Variants in C8orf88 observed in about 807,000 individuals in gnomAD.
C8orf88 encodes the protein chromosome 8 open reading frame 88, also known as uncharacterized protein C8orf88.
In C8orf88, 14 loss-of-function variants were observed where a neutral mutation model predicts 18.4. The observed-to-expected ratio is 0.76, with a 90% CI of 0.50 to 1.19. The LOEUF (loss-of-function observed/expected upper bound fraction) is 1.19, where lower values mean the gene tolerates loss of function less well. Ranked by LOEUF, C8orf88 falls within the 50% of genes most tolerant of loss-of-function variation. The probability of loss-of-function intolerance (pLI) is 0.00; values close to 1 mark genes in which losing one functional copy is unlikely to be tolerated. For missense variants in C8orf88, 116 were observed against 134.7 expected (o/e 0.86, Z 0.69); for synonymous variants, 45 against 42.9 (o/e 1.05, Z -0.19).
chr8:90,969,887 A>G (rs1270629925), intron 4 of C8orf88, among the ~76,000 whole-genome samples: 2 of 152,018 alleles, frequency 1.3e-5, no homozygotes, highest in Non-Finnish European at 2.9e-5. Flanking sequence ...AAAGCTGCAC[A>G]TTAGTACTAA....
chr8:90,974,051 A>G (rs997271652), intron 3 of C8orf88, among the ~76,000 whole-genome samples: 8 of 152,192 alleles, frequency 5.3e-5, no homozygotes, highest in Admixed American at 3.3e-4. Flanking sequence ...CCTATAGAAG[A>G]GAATGGGCAA....
chr8:90,981,601 T>A (rs556833008), intron 1 of C8orf88, among the ~76,000 whole-genome samples: 1 of 152,324 alleles, frequency 6.6e-6, no homozygotes, highest in Non-Finnish European at 1.5e-5. Flanking sequence ...GTCCCTACTG[T>A]ATTTTATCAC....
At position 90,960,736 on chromosome 8, in the gene C8orf88, A is replaced by C; in HGVS notation, c.330+6T>G. 1 of 1,492,902 alleles carries C rather than the reference A, an allele frequency of 6.7e-7. No individual in the cohort carries two copies. 92.5% of individuals were successfully genotyped at this position (1,492,902 alleles called of 1,614,324 possible). A position where few individuals can be genotyped will look rare whatever the true frequency, so the allele number is the denominator to read the frequency against. On this transcript the variant is annotated splice_donor_region_variant and intron_variant, in intron 5 of 5. Coordinates refer to ENST00000517562, the MANE Select transcript of C8orf88 (RefSeq NM_001190972.2). ...TATTACAATACAAACTTAGAAAACT[A>C]CTTACTGGTTTTTGCAGTACAATGG...
intron 5 of C8orf88, among the ~76,000 whole-genome samples, chr8:90,960,488 T>C (rs1379842562): frequency 6.6e-6 from 1 of 151,404 alleles, no homozygotes; most frequent in African/African-American, 2.4e-5. Flanking sequence ...ATAAAACTTT[T>C]AGAGTATGGG....
chr8:90,982,844 T>C (rs951691695), intron 1 of C8orf88, among the ~76,000 whole-genome samples: 7 of 152,098 alleles, frequency 4.6e-5, no homozygotes, highest in Non-Finnish European at 1.0e-4. Flanking sequence ...GCATAGTACA[T>C]TCCACCATCA....
At chr8:90,960,330 A>C (rs900778917) in intron 5 of C8orf88, among the ~76,000 whole-genome samples, 11 of 151,508 alleles carry the variant, frequency 7.3e-5, no homozygotes, top group Non-Finnish European at 1.5e-4. Context: ...CCATGCATAC[A>C]TTGCCACAAA....
intron 5 of C8orf88, among the ~76,000 whole-genome samples, chr8:90,960,257 TG>T (rs1811106236): frequency 6.6e-6 from 1 of 151,450 alleles, no homozygotes; most frequent in African/African-American, 2.4e-5. Context: ...GAAAAATACA[TG>T]AGATGATTTG....
intron 3 of C8orf88, among the ~76,000 whole-genome samples, chr8:90,975,194 T>G (rs928929851): frequency 7.9e-5 from 12 of 152,126 alleles, no homozygotes; most frequent in African/African-American, 2.7e-4. Context: ...CACTTAAAAT[T>G]TATATGCAAA....
intron 4 of C8orf88, among the ~76,000 whole-genome samples, chr8:90,961,304 G>A (rs746358101): frequency 6.6e-5 from 10 of 151,142 alleles, no homozygotes; most frequent in East Asian, 1.9e-4. Context: ...AACTGTGCTA[G>A]GTAATAATGA....
rs1811075024 is a variant in C8orf88, at chr8:90,958,559, CATGA to C, written c.*444_*447del. The C allele has an allele frequency of 6.1e-6, 1 of 163,146 alleles. No individual in the cohort carries two copies. The highest frequency in any genetic ancestry group is 1.3e-5 in the Non-Finnish European group (1 of 76,042). The allele number at this position is 163,146 out of a possible 1,614,324, so 10.1% of individuals were successfully genotyped here. On this transcript the variant is annotated 3_prime_UTR_variant, in exon 6 of 6. Coordinates refer to ENST00000517562, the MANE Select transcript of C8orf88 (RefSeq NM_001190972.2). ...TCTGGAGAGACTGTAATGATCCATT[CATGA>C]GCTGGTATGAAATCAGTGGGAAGCA...
upstream of C8orf88, chr8:90,985,264 G>T (rs2631022): frequency 6.7e-6 from 1 of 148,788 alleles, no homozygotes; most frequent in Non-Finnish European, 1.5e-5. Flanking sequence ...CGAGGGGCGG[G>T]GGGCGAGGGG....
At chr8:90,965,424 A>T (rs1211509553) in intron 4 of C8orf88, among the ~76,000 whole-genome samples, 2 of 151,820 alleles carry the variant, frequency 1.3e-5, no homozygotes, top group African/African-American at 4.8e-5. Context: ...GGAGACTACA[A>T]TATCCCATTC....
At position 90,958,854 on chromosome 8, in the gene C8orf88, T is replaced by G. The variant is rs2130294367; in HGVS notation, c.*153A>C. 1.8e-6 allele frequency: 1 copy of G among 541,516 alleles called. No individual in the cohort carries two copies. Among genetic ancestry groups the G allele is most frequent in the Non-Finnish European group, 3.2e-6 (1 of 314,246 alleles). The allele number at this position is 541,516 out of a possible 1,614,324, so 33.5% of individuals were successfully genotyped here. On this transcript the variant is annotated 3_prime_UTR_variant, in exon 6 of 6. Transcript: ENST00000517562. Reference sequence around the variant, plus strand: ...GAAACTGATTAGAAAATTCTTTATATTTTAAAATAGCTCTTTCTCATTTTT... The same window carrying G: ...GAAACTGATTAGAAAATTCTTTATAGTTTAAAATAGCTCTTTCTCATTTTT...
intron 1 of C8orf88, among the ~76,000 whole-genome samples, chr8:90,984,286 T>G (rs1563556882): frequency 6.6e-6 from 1 of 152,242 alleles, no homozygotes; most frequent in Non-Finnish European, 1.5e-5. Context: ...AAATTTCATC[T>G]CAATTTCCAA....
rs1422276739 is a variant in C8orf88, at chr8:90,968,534, T to A, written c.223+2532A>T. Among the ~76,000 whole-genome samples, 4 of 150,744 alleles carry A rather than the reference T, an allele frequency of 2.7e-5. No homozygotes were observed. In the Admixed American group the frequency reaches 2.7e-4, roughly 10 times the overall value. On this transcript the variant is annotated intron_variant, in intron 4 of 5. Coordinates refer to ENST00000517562, the MANE Select transcript of C8orf88 (RefSeq NM_001190972.2). ...AGATTTGGCAATGATTTGTTAGATA[T>A]GACACCAAAAACACGAGCAACAAAA...
At chr8:90,963,767 A>T (rs1390140920) in intron 4 of C8orf88, among the ~76,000 whole-genome samples, 1 of 151,618 alleles carries the variant, frequency 6.6e-6, no homozygotes, top group Non-Finnish European at 1.5e-5. Flanking sequence ...ATTCAGTCTG[A>T]GGAGTAGAAA....
intron 3 of C8orf88, among the ~76,000 whole-genome samples, chr8:90,972,536 T>A (rs922768142): frequency 4.6e-5 from 7 of 152,106 alleles, no homozygotes; most frequent in African/African-American, 1.2e-4. Context: ...TTGTACCTTG[T>A]CATGTCTGTA....
upstream of C8orf88, chr8:90,985,342 C>G (rs1811493579): frequency 6.6e-6 from 1 of 151,554 alleles, no homozygotes; most frequent in Non-Finnish European, 1.5e-5. Context: ...GGGGCGTGGC[C>G]TCGGGCGCTG....
intron 3 of C8orf88, among the ~76,000 whole-genome samples, chr8:90,975,098 A>G (rs1268313242): frequency 6.6e-6 from 1 of 152,218 alleles, no homozygotes; most frequent in Non-Finnish European, 1.5e-5. Flanking sequence ...TGTCATGTTA[A>G]TAGATCATAA....
Sources: allele counts gnomAD v4.1 joint callset (sites outside exome capture counted in the v4.1 genomes callset), GRCh38; gene constraint gnomAD v4.1.1; transcripts MANE v1.5; gene names NCBI Gene and HGNC (gene_info 2026-07-23, HGNC 2026-07-21).